Variants in CSMD1 observed in about 807,000 individuals in gnomAD.
CSMD1 encodes the protein CUB and Sushi multiple domains 1, also known as CUB and sushi domain-containing protein 1.
CSMD1 carries 213 observed loss-of-function variants against 417.5 expected under a neutral mutation model. The ratio of observed to expected loss-of-function variants is 0.51; its 90% CI spans 0.46 to 0.57. CSMD1 has a LOEUF of 0.57. Among genes scored for constraint, CSMD1 ranks in the 20% least tolerant of loss-of-function variants. The probability of loss-of-function intolerance (pLI) is 0.00; values close to 1 mark genes in which losing one functional copy is unlikely to be tolerated. For missense variants in CSMD1, 6,923 were observed against 4,529.7 expected (o/e 1.53, Z -15.17); for synonymous variants, 2,862 against 1,736.8 (o/e 1.65, Z -16.11).
chr8:3,000,411 C>T (rs909865604), intron 52 of CSMD1, among the ~76,000 whole-genome samples: 12 of 151,178 alleles, frequency 7.9e-5, no homozygotes, highest in African/African-American at 2.9e-4. Flanking sequence ...TTTTGCTTAC[C>T]TGTATTCAGT....
chr8:4,502,890 G>T (rs1310678289), intron 2 of CSMD1, among the ~76,000 whole-genome samples: 1 of 152,076 alleles, frequency 6.6e-6, no homozygotes, highest in Non-Finnish European at 1.5e-5. Flanking sequence ...TTGAAAAACA[G>T]ATCAACCAAT....
intron 3 of CSMD1, among the ~76,000 whole-genome samples, chr8:4,133,017 T>A (rs1436623866): frequency 1.3e-5 from 2 of 152,180 alleles, no homozygotes; most frequent in African/African-American, 4.8e-5. Flanking sequence ...CACTGCAACC[T>A]CCGACTCCCG....
intron 26 of CSMD1, among the ~76,000 whole-genome samples, chr8:3,255,274 C>T (rs1800567251): frequency 1.3e-5 from 2 of 151,766 alleles, no homozygotes; most frequent in African/African-American, 4.8e-5. Flanking sequence ...TGTCAGTCTG[C>T]CCCTACTGGG....
intron 26 of CSMD1, among the ~76,000 whole-genome samples, chr8:3,243,379 T>G (rs991010674): frequency 6.6e-6 from 1 of 151,834 alleles, no homozygotes; most frequent in Admixed American, 6.6e-5. Context: ...ATAAAGCTGT[T>G]TATTTCACCT....
intron 3 of CSMD1, among the ~76,000 whole-genome samples, chr8:4,210,763 C>A (rs1212945259): frequency 6.6e-6 from 1 of 152,124 alleles, no homozygotes; most frequent in East Asian, 1.9e-4. Context: ...TATGAAAGAT[C>A]TTTTGAATTC....
intron 50 of CSMD1, among the ~76,000 whole-genome samples, chr8:3,049,657 A>C (rs7016894): frequency 0.77 from 117,179 of 151,898 alleles, 45,819 homozygotes; most frequent in Non-Finnish European, 0.83. Context: ...TGGGTGGGCA[A>C]AGGAGACTTT....
At chr8:3,723,805 C>T (rs187985963) in intron 6 of CSMD1, among the ~76,000 whole-genome samples, 3 of 152,140 alleles carry the variant, frequency 2.0e-5, no homozygotes, top group Non-Finnish European at 4.4e-5. Flanking sequence ...TCAAAATGAC[C>T]GCAACTTACT....
In CSMD1 at chr8:4,960,148, C is replaced by T. The variant is rs188693966; in HGVS notation, c.85+34184G>A. On this transcript the variant is annotated intron_variant, in intron 1 of 69. Coordinates refer to ENST00000635120, the MANE Select transcript of CSMD1 (RefSeq NM_033225.6). ...ATGTGCTCATTACTTCTGAAATGTA[C>T]TAGACCCACAAAACTCTTTTTCAAT... is the stretch of plus-strand genomic sequence containing the variant. Among the ~76,000 whole-genome samples, 86 of 152,212 alleles carry T rather than the reference C, an allele frequency of 5.7e-4. 2 individuals carry two copies. In the East Asian group the frequency reaches 6.8e-3, roughly 12 times the overall value.
At chr8:4,151,285 G>A (rs1038127220) in intron 3 of CSMD1, among the ~76,000 whole-genome samples, 3 of 152,152 alleles carry the variant, frequency 2.0e-5, no homozygotes, top group African/African-American at 4.8e-5. Context: ...CCATGCATGT[G>A]TAAATCATTT....
chr8:2,938,414 G>T lies in CSMD1; in HGVS notation c.*171C>A. The T allele has an allele frequency of 1.6e-6, 1 of 607,592 alleles. No homozygotes were observed. 37.6% of individuals were successfully genotyped at this position (607,592 alleles called of 1,614,324 possible). On this transcript the variant is annotated 3_prime_UTR_variant, in exon 70 of 70. Transcript: ENST00000635120. ...CGCATGTGTAGTTTGATCCGTAGAA[G>T]ACCCTGACACATTTGAGTAGAGATC...
At chr8:4,233,276 G>C (rs910094950) in intron 3 of CSMD1, among the ~76,000 whole-genome samples, 1 of 152,126 alleles carries the variant, frequency 6.6e-6, no homozygotes, top group Non-Finnish European at 1.5e-5. Context: ...GTATGCAGAA[G>C]TGCCCACTCT....
chr8:4,284,303 G>A (rs1215072356), intron 3 of CSMD1, among the ~76,000 whole-genome samples: 1 of 152,092 alleles, frequency 6.6e-6, no homozygotes, highest in Non-Finnish European at 1.5e-5. Flanking sequence ...AGGAGGCGGA[G>A]GTTGCCGTGA....
At chr8:3,306,157 T>C (rs767180814) in intron 25 of CSMD1, among the ~76,000 whole-genome samples, 2 of 152,190 alleles carry the variant, frequency 1.3e-5, no homozygotes, top group East Asian at 1.9e-4. Context: ...TGTTAAGTTA[T>C]AGGGTTGCAG....
At chr8:4,231,311 C>T (rs1036716851) in intron 3 of CSMD1, among the ~76,000 whole-genome samples, 2 of 152,332 alleles carry the variant, frequency 1.3e-5, no homozygotes, top group African/African-American at 4.8e-5. Context: ...GGCTCAGAGT[C>T]ATGGGTCCAA....
At chr8:4,950,100 A>G (rs1469932435) in intron 1 of CSMD1, among the ~76,000 whole-genome samples, 2 of 126,512 alleles carry the variant, frequency 1.6e-5, no homozygotes, top group African/African-American at 5.4e-5. Context: ...TTTATAAAAC[A>G]TAGAAATGTT....
At chr8:4,021,915 C>T (rs1209501930) in intron 4 of CSMD1, among the ~76,000 whole-genome samples, 1 of 151,988 alleles carries the variant, frequency 6.6e-6, no homozygotes, top group Non-Finnish European at 1.5e-5. Context: ...AGATCATCAA[C>T]AAAGCTGACT....
intron 2 of CSMD1, among the ~76,000 whole-genome samples, chr8:4,636,998 C>T (rs2724974): frequency 0.73 from 110,666 of 151,640 alleles, 40,677 homozygotes; most frequent in Admixed American, 0.82. Flanking sequence ...ACACGGAGGA[C>T]TGAAAAAAGG....
At chr8:3,465,503 C>T (rs1014679681) in intron 12 of CSMD1, among the ~76,000 whole-genome samples, 7 of 152,126 alleles carry the variant, frequency 4.6e-5, no homozygotes, top group African/African-American at 1.4e-4. Flanking sequence ...TGTGTGCTGG[C>T]AGGGGGTAGT....
At chr8:4,895,723 T>C (rs1804439573) in intron 1 of CSMD1, among the ~76,000 whole-genome samples, 1 of 151,876 alleles carries the variant, frequency 6.6e-6, no homozygotes. Context: ...TCTTCAAACC[T>C]ACAAAGCCTC....
Sources: gnomAD v4.1 joint callset for allele counts (sites outside exome capture counted in the v4.1 genomes callset) on GRCh38, gnomAD v4.1.1 for gene constraint, MANE v1.5 for transcripts, NCBI Gene and HGNC (gene_info 2026-07-23, HGNC 2026-07-21) for gene names.